Variants in CREB5 observed in about 807,000 individuals in gnomAD.
The protein encoded by CREB5 is cAMP responsive element binding protein 5.
In CREB5, 19 loss-of-function variants were observed where a neutral mutation model predicts 57.1. The ratio of observed to expected loss-of-function variants is 0.33; its 90% CI spans 0.23 to 0.49. The LOEUF is 0.49. Ranked by LOEUF, CREB5 falls within the 20% of genes least tolerant of loss-of-function variation. The pLI, the probability that CREB5 is intolerant of heterozygous loss-of-function variation, is 0.99. For synonymous variants in CREB5, 238 were observed against 238.3 expected (o/e 1.00, Z 0.01); for missense variants, 579 against 671.6 (o/e 0.86, Z 1.52).
In CREB5 at chr7:28,487,807, T is replaced by C. The variant is rs554373749; in HGVS notation, c.4-368T>C. ...AAATCCCAAAAGCTTTCAGCAGGAC[T>C]GGACAAGGGTTGGTGTACACTTTGC... On this transcript the variant is annotated intron_variant, in intron 1 of 10. Coordinates refer to ENST00000357727, the MANE Select transcript of CREB5 (RefSeq NM_182898.4). 4.6e-5 allele frequency among the ~76,000 whole-genome samples: 7 copies of C among 152,340 alleles called. No individual in the cohort carries two copies. The East Asian group carries it at 1.2e-3, about 25-fold the overall frequency.
intron 5 of CREB5, among the ~76,000 whole-genome samples, chr7:28,598,178 C>T (rs549121814): frequency 9.9e-5 from 15 of 152,228 alleles, no homozygotes; most frequent in African/African-American, 3.1e-4. Flanking sequence ...GTGCTATTCT[C>T]GTGATAGTGA....
intron 4 of CREB5, among the ~76,000 whole-genome samples, chr7:28,560,949 T>TGCGCGCGTGCGTGCGCGC (rs1210698880): frequency 5.8e-5 from 2 of 34,772 alleles, no homozygotes; most frequent in African/African-American, 2.4e-4. Context: ...TGCGTGTGTG[T>TGCGCGCGTGCGTGCGCGC]GCGTGTGTGT....
intron 7 of CREB5, among the ~76,000 whole-genome samples, chr7:28,778,625 CATT>C (rs1401909357): frequency 3.9e-5 from 6 of 152,094 alleles, no homozygotes; most frequent in Non-Finnish European, 7.4e-5. Context: ...TTACTTTTAT[CATT>C]TTGGGAACTC....
intron 5 of CREB5, among the ~76,000 whole-genome samples, chr7:28,614,224 G>T (rs1418972117): frequency 2.6e-5 from 4 of 152,214 alleles, no homozygotes; most frequent in Admixed American, 1.3e-4. Flanking sequence ...CCCCTGAAGT[G>T]TTGGGATTAC....
intron 5 of CREB5, among the ~76,000 whole-genome samples, chr7:28,594,062 C>T (rs1229015665): frequency 6.6e-6 from 1 of 152,190 alleles, no homozygotes; most frequent in Non-Finnish European, 1.5e-5. Flanking sequence ...AAGTTCATCT[C>T]CCTGACTTTA....
chr7:28,441,870 T>A (rs1789198541), intron 1 of CREB5, among the ~76,000 whole-genome samples: 1 of 152,224 alleles, frequency 6.6e-6, no homozygotes, highest in Non-Finnish European at 1.5e-5. Flanking sequence ...AGTGATATTT[T>A]GTATCACATG....
At chr7:28,358,648 T>C (rs189891763) in intron 1 of CREB5, among the ~76,000 whole-genome samples, 1 of 152,372 alleles carries the variant, frequency 6.6e-6, no homozygotes, top group African/African-American at 2.4e-5. Context: ...GCAGCCGTCC[T>C]GCCTGGGGCC....
Position 28,658,957 on chromosome 7 carries a change from A to ATATATATATATATATATATATGTGTG in CREB5, c.465-59775_465-59774insGTGTGTATATATATATATATATATAT, listed in dbSNP as rs1554281561. Among the ~76,000 whole-genome samples the ATATATATATATATATATATATGTGTG allele has an allele frequency of 2.4e-3, 271 of 111,784 alleles. 17 individuals carry two copies. The highest frequency in any genetic ancestry group is 4.6e-3 in the Middle Eastern group (1 of 216). 73.3% of individuals were successfully genotyped at this position (111,784 alleles called of 152,430 possible). On this transcript the variant is annotated intron_variant, in intron 5 of 10. Transcript: ENST00000357727. ...AAATATTATATGTGTGTGTGTGTAT[A>ATATATATATATATATATATATGTGTG]TATATATATATATATATATATATGT...
intron 5 of CREB5, among the ~76,000 whole-genome samples, chr7:28,602,379 G>A (rs188500595): frequency 4.6e-5 from 7 of 152,196 alleles, no homozygotes; most frequent in East Asian, 3.9e-4. Flanking sequence ...TGTCCACCTC[G>A]GCCTCCCAAA....
intron 1 of CREB5, among the ~76,000 whole-genome samples, chr7:28,407,314 G>T (rs778136853): frequency 3.3e-5 from 5 of 152,170 alleles, no homozygotes; most frequent in Admixed American, 6.5e-5. Context: ...GCCTCCCAAA[G>T]TGCTGGGATT....
intron 5 of CREB5, among the ~76,000 whole-genome samples, chr7:28,677,802 C>T (rs1213561189): frequency 6.6e-6 from 1 of 152,036 alleles, no homozygotes; most frequent in African/African-American, 2.4e-5. Flanking sequence ...AACTTGAGCT[C>T]AGGAGTTTGA....
In CREB5 at chr7:28,712,524, T is replaced by TTTATTATTATTATTA. The variant is rs752228734; in HGVS notation, c.465-6220_465-6206dup. ...ACTCCTCAAAAAAAAAAAAAGAGAA[T>TTTATTATTATTATTA]TTATTATTATTATTATTATTATTTT... On this transcript the variant is annotated intron_variant, in intron 5 of 10. Transcript: ENST00000357727. Among the ~76,000 whole-genome samples the TTTATTATTATTATTA allele has an allele frequency of 4.2e-3, 570 of 135,338 alleles. 10 individuals carry two copies. Among genetic ancestry groups the TTTATTATTATTATTA allele is most frequent in the African/African-American group, 7.7e-3 (271 of 34,982 alleles). 88.8% of individuals were successfully genotyped at this position (135,338 alleles called of 152,430 possible).
At chr7:28,584,561 A>G (rs1172547186) in intron 5 of CREB5, among the ~76,000 whole-genome samples, 2 of 152,158 alleles carry the variant, frequency 1.3e-5, no homozygotes, top group Non-Finnish European at 2.9e-5. Flanking sequence ...AGAATCCAGG[A>G]GCTGGGCATG....
intron 5 of CREB5, among the ~76,000 whole-genome samples, chr7:28,641,106 A>G (rs1269613377): frequency 6.6e-6 from 1 of 152,074 alleles, no homozygotes; most frequent in East Asian, 1.9e-4. Flanking sequence ...ATCCTTGTTC[A>G]AGAGTCAAGA....
At chr7:28,801,137 G>A (rs1420663164) in intron 7 of CREB5, among the ~76,000 whole-genome samples, 4 of 152,192 alleles carry the variant, frequency 2.6e-5, no homozygotes, top group Non-Finnish European at 5.9e-5. Context: ...CAAAAAGCAA[G>A]ATACAAAACT....
intron 5 of CREB5, among the ~76,000 whole-genome samples, chr7:28,708,234 A>G (rs558021371): frequency 2.0e-5 from 3 of 152,332 alleles, no homozygotes; most frequent in South Asian, 4.1e-4. Flanking sequence ...TCACTTTATC[A>G]TTAAGAATAG....
intron 9 of CREB5, among the ~76,000 whole-genome samples, chr7:28,815,236 G>C (rs1309071625): frequency 2.0e-5 from 3 of 152,186 alleles, no homozygotes; most frequent in Non-Finnish European, 2.9e-5. Flanking sequence ...TGGTGCCACT[G>C]TAGTCCAGCC....
At position 28,821,781 on chromosome 7, in the gene CREB5, A is replaced by T. The variant is rs1167550537; in HGVS notation, c.*2502A>T. The T allele has an allele frequency of 6.6e-6, 1 of 152,582 alleles. No homozygotes were observed. The highest frequency in any genetic ancestry group is 2.4e-5 in the African/African-American group (1 of 41,458). The allele number at this position is 152,582 out of a possible 1,614,324, so 9.5% of individuals were successfully genotyped here. ...CAAAAAGGAGAAAGAGTGCATTAAA[A>T]TGTTTAGTTGGGTTTTTTAATTTTT... On this transcript the variant is annotated 3_prime_UTR_variant, in exon 11 of 11. Coordinates refer to ENST00000357727, the MANE Select transcript of CREB5 (RefSeq NM_182898.4).
chr7:28,648,592 A>T (rs1798997519), intron 5 of CREB5, among the ~76,000 whole-genome samples: 1 of 152,078 alleles, frequency 6.6e-6, no homozygotes, highest in African/African-American at 2.4e-5. Context: ...AAATAAAAAA[A>T]TTAGCTGGGC....
Sources: gnomAD v4.1 joint callset for allele counts (sites outside exome capture counted in the v4.1 genomes callset) on GRCh38, gnomAD v4.1.1 for gene constraint, MANE v1.5 for transcripts, NCBI Gene and HGNC (gene_info 2026-07-23, HGNC 2026-07-21) for gene names.